PTPRT: variants seen among roughly 807,000 people sequenced by gnomAD.
The protein encoded by PTPRT is protein tyrosine phosphatase receptor type T, also known as receptor-type tyrosine-protein phosphatase T.
A neutral mutation model predicts 176.8 loss-of-function variants in PTPRT; 56 were observed. That is an observed-to-expected ratio of 0.32 (90% confidence interval 0.26 to 0.40). PTPRT has a LOEUF of 0.40. Among genes scored for constraint, PTPRT ranks in the 10% least tolerant of loss-of-function variants. The probability of loss-of-function intolerance (pLI) is 1.00; values close to 1 mark genes in which losing one functional copy is unlikely to be tolerated. For synonymous variants in PTPRT, 783 were observed against 739.0 expected, an observed-to-expected ratio of 1.06 and a Z score of -0.96; for missense variants, 1,540 against 1,908.2, an observed-to-expected ratio of 0.81 and a Z score of 3.60.
intron 1 of PTPRT, among the ~76,000 whole-genome samples, chr20:43,097,337 T>C (rs2012213079): frequency 6.6e-6 from 1 of 152,196 alleles, no homozygotes; most frequent in Admixed American, 6.5e-5. Flanking sequence ...TTAAACCAGA[T>C]GGACCTTCCA....
intron 1 of PTPRT, among the ~76,000 whole-genome samples, chr20:42,915,248 A>T (rs966941891): frequency 6.6e-6 from 1 of 152,224 alleles, no homozygotes; most frequent in African/African-American, 2.4e-5. Flanking sequence ...AGCTTCCATT[A>T]AAGAGTATGT....
chr20:42,107,881 C>T (rs1986615214), intron 23 of PTPRT, among the ~76,000 whole-genome samples: 1 of 152,212 alleles, frequency 6.6e-6, no homozygotes, highest in Non-Finnish European at 1.5e-5. Context: ...CCACTACCTA[C>T]AACAATTTGG....
chr20:42,584,888 T>C (rs2073444942), intron 7 of PTPRT, among the ~76,000 whole-genome samples: 1 of 152,234 alleles, frequency 6.6e-6, no homozygotes, highest in African/African-American at 2.4e-5. Context: ...AATAAGTTCC[T>C]ATGAGTTAAG....
chr20:42,115,328 GAGAGAC>G lies in PTPRT; in HGVS notation c.2983-19_2983-14del, dbSNP rs751989473. On this transcript the variant is annotated splice_polypyrimidine_tract_variant and intron_variant, in intron 21 of 30. Coordinates refer to ENST00000373187, the MANE Select transcript of PTPRT (RefSeq NM_007050.6). ...GCACACATTTCACCTGTGGCCAAGT[GAGAGAC>G]AGAGACAGAGACAGAACAGAGACAA... 25 of 1,583,558 alleles carry G rather than the reference GAGAGAC, an allele frequency of 1.6e-5. No individual in the cohort carries two copies. The East Asian group carries it at 2.5e-4, about 16-fold the overall frequency.
chr20:42,686,659 AT>A (rs1177204327), intron 6 of PTPRT, among the ~76,000 whole-genome samples: 3 of 151,080 alleles, frequency 2.0e-5, no homozygotes, highest in African/African-American at 4.9e-5. Flanking sequence ...TGCCCGGCTA[AT>A]TTTTTATATT....
At chr20:42,813,699 C>A (rs1439003227) in intron 2 of PTPRT, among the ~76,000 whole-genome samples, 1 of 152,094 alleles carries the variant, frequency 6.6e-6, no homozygotes, top group Non-Finnish European at 1.5e-5. Flanking sequence ...TGTCTGATTT[C>A]TGAGCCTAAT....
chr20:42,722,005 G>A (rs771177732), intron 6 of PTPRT, among the ~76,000 whole-genome samples: 9 of 152,176 alleles, frequency 5.9e-5, no homozygotes, highest in Non-Finnish European at 1.2e-4. Context: ...ATGCCCCCAT[G>A]TTGCCAGAGG....
rs140249180 is a variant in PTPRT at position 43,114,389 on chromosome 20, T to C, written c.88+75257A>G. ...TTTGGGCAAGTCAATAACCTTTTTG[T>C]ACCCCAGTTTTCTCATCTAAAAAAA... On this transcript the variant is annotated intron_variant, in intron 1 of 30. Coordinates refer to ENST00000373187, the MANE Select transcript of PTPRT (RefSeq NM_007050.6). Among the ~76,000 whole-genome samples the C allele has an allele frequency of 2.6e-5, 4 of 152,328 alleles. No individual in the cohort carries two copies. The East Asian group carries it at 5.8e-4, about 22-fold the overall frequency.
At chr20:42,363,430 C>T (rs1322972051) in intron 9 of PTPRT, among the ~76,000 whole-genome samples, 1 of 149,120 alleles carries the variant, frequency 6.7e-6, no homozygotes, top group Non-Finnish European at 1.5e-5. Context: ...CCTGCCTCAG[C>T]CTCCCGAGTA....
At chr20:42,647,239 C>T (rs1415631572) in intron 7 of PTPRT, among the ~76,000 whole-genome samples, 1 of 151,986 alleles carries the variant, frequency 6.6e-6, no homozygotes, top group African/African-American at 2.4e-5. Flanking sequence ...ATTGCATCCC[C>T]AGGTTCATAT....
At chr20:43,075,720 C>T (rs769732911) in intron 1 of PTPRT, among the ~76,000 whole-genome samples, 1 of 152,118 alleles carries the variant, frequency 6.6e-6, no homozygotes, top group Non-Finnish European at 1.5e-5. Context: ...CTGCATGGAC[C>T]GATGGAAGAA....
At chr20:42,339,081 T>C (rs2145467508) in intron 11 of PTPRT, among the ~76,000 whole-genome samples, 1 of 152,268 alleles carries the variant, frequency 6.6e-6, no homozygotes, top group African/African-American at 2.4e-5. Context: ...TATGGAACTT[T>C]TTATAGAGTG....
chr20:42,203,130 C>A (rs1991518395), intron 15 of PTPRT, among the ~76,000 whole-genome samples: 1 of 152,004 alleles, frequency 6.6e-6, no homozygotes, highest in Non-Finnish European at 1.5e-5. Context: ...GATGTTATGG[C>A]AATTGGCAAA....
At chr20:43,102,709 T>A (rs1159895086) in intron 1 of PTPRT, among the ~76,000 whole-genome samples, 1 of 152,044 alleles carries the variant, frequency 6.6e-6, no homozygotes, top group Non-Finnish European at 1.5e-5. Context: ...CAATTATGAG[T>A]CTCTCAGGAG....
At chr20:42,948,720 C>A (rs1201000405) in intron 1 of PTPRT, among the ~76,000 whole-genome samples, 1 of 152,154 alleles carries the variant, frequency 6.6e-6, no homozygotes, top group Admixed American at 6.5e-5. Context: ...AAGGACCCCA[C>A]CCTAGAAGTT....
At chr20:42,864,006 T>C (rs995918808) in intron 2 of PTPRT, among the ~76,000 whole-genome samples, 2 of 152,212 alleles carry the variant, frequency 1.3e-5, no homozygotes, top group African/African-American at 4.8e-5. Context: ...CAGGATGCTG[T>C]AGTCTGCAAA....
intron 13 of PTPRT, among the ~76,000 whole-genome samples, chr20:42,270,068 GTTTC>G (rs2056904939): frequency 6.6e-6 from 1 of 152,020 alleles, no homozygotes; most frequent in Non-Finnish European, 1.5e-5. Context: ...ACCAGTGGCT[GTTTC>G]TTCTCCTGGA....
chr20:42,370,414 G>A (rs902405144), intron 9 of PTPRT, among the ~76,000 whole-genome samples: 1 of 152,164 alleles, frequency 6.6e-6, no homozygotes, highest in Non-Finnish European at 1.5e-5. Flanking sequence ...CCCTGGCAGA[G>A]GGGTGGGCCT....
intron 7 of PTPRT, among the ~76,000 whole-genome samples, chr20:42,513,715 T>C (rs1375191010): frequency 1.3e-5 from 2 of 152,172 alleles, no homozygotes; most frequent in African/African-American, 4.8e-5. Context: ...ATTATCCATA[T>C]CTCTGAATTC....
Sources: gnomAD v4.1 joint callset for allele counts (sites outside exome capture counted in the v4.1 genomes callset) on GRCh38, gnomAD v4.1.1 for gene constraint, MANE v1.5 for transcripts, NCBI Gene and HGNC (gene_info 2026-07-23, HGNC 2026-07-21) for gene names.